The following EIF2D variants were observed in gnomAD, a reference collection of about 807,000 sequenced individuals.
The protein encoded by EIF2D is eukaryotic translation initiation factor 2D, also known as hepatocellular carcinoma-associated antigen 56.
A neutral mutation model predicts 77.4 loss-of-function variants in EIF2D; 56 were observed. That is an observed-to-expected ratio of 0.72 (90% CI 0.58 to 0.90). EIF2D has a LOEUF of 0.90. Ranked by LOEUF, EIF2D falls within the 40% of genes least tolerant of loss-of-function variation. The pLI, the probability that EIF2D is intolerant of heterozygous loss-of-function variation, is 0.00. For missense variants in EIF2D, 574 were observed against 706.5 expected, an observed-to-expected ratio of 0.81 and a Z score of 2.13; for synonymous variants, 230 against 271.0, an observed-to-expected ratio of 0.85 and a Z score of 1.49.
rs200269600 is a variant in EIF2D at position 206,584,482 on chromosome 1, T to C, written c.139-3320A>G. On this transcript the variant is annotated intron_variant and NMD_transcript_variant, in intron 2 of 5. Transcript: ENST00000472709. This position sits in a 1 kb window ranked among gnomAD's most constrained non-coding sequence, Gnocchi z 4.9. ...CTGGGATCCGGCCCCAGTCCATCTA[T>C]GATGCCATCAAGGAGGTGAACCTGG... The C allele has an allele frequency of 3.3e-5, 53 of 1,614,142 alleles. No individual in the cohort carries two copies. The highest frequency in any genetic ancestry group is 1.6e-4 in the Middle Eastern group (1 of 6,062).
chr1:206,600,446 C>CA (rs1279289737), intron 7 of EIF2D, 138 bp from the exon 8 acceptor site: 5 of 712,750 alleles, frequency 7.0e-6, no homozygotes, highest in African/African-American at 5.4e-5. Context: ...ACTCTCTGCC[C>CA]AGGGATGACA....
chr1:206,600,441 C>A (rs540720117), intron 7 of EIF2D, 133 bp from the exon 8 acceptor site: 1 of 760,992 alleles, frequency 1.3e-6, no homozygotes, highest in African/African-American at 1.8e-5. Flanking sequence ...CCAGAACTCT[C>A]TGCCCAGGGA....
chr1:206,583,660 G>T, intron 2 of EIF2D: 1 of 401,464 alleles, frequency 2.5e-6, no homozygotes, highest in Non-Finnish European at 4.7e-6. Context: ...TGATTAAACG[G>T]TACGTAATGA....
At chr1:206,608,175 C>A (rs1670288563) in intron 4 of EIF2D, 61 bp downstream of exon 4, 5 of 1,486,014 alleles carry the variant, frequency 3.4e-6, no homozygotes, top group Non-Finnish European at 4.6e-6. Context: ...GTTGTCATTC[C>A]CCTCCAACTT....
intron 3 of EIF2D, among the ~76,000 whole-genome samples, chr1:206,608,541 G>A (rs1670309705): frequency 1.3e-5 from 2 of 152,208 alleles, no homozygotes; most frequent in Admixed American, 6.5e-5. Context: ...GGCAACTTCA[G>A]TATCAGACCT....
In EIF2D at chr1:206,584,340, T is replaced by C; in HGVS notation, c.139-3178A>G. On this transcript the variant is annotated intron_variant and NMD_transcript_variant, in intron 2 of 5. Coordinates refer to the EIF2D transcript ENST00000472709. The surrounding 1 kb of genome is among the most constrained non-coding windows in gnomAD (Gnocchi z 4.9). Reference sequence around the variant, plus strand: ...TGGCCCCGAGTGGCAGATATGATCATGCAAGGCGGACGGCCCTGACCCCCT... The same window carrying C: ...TGGCCCCGAGTGGCAGATATGATCACGCAAGGCGGACGGCCCTGACCCCCT... The C allele has an allele frequency of 6.4e-7, 1 of 1,560,300 alleles. No individual in the cohort carries two copies. The highest frequency in any genetic ancestry group is 1.2e-5 in the South Asian group (1 of 81,994).
At chr1:206,593,199 C>T (rs763969735) in intron 14 of EIF2D, among the ~76,000 whole-genome samples, 5 of 152,086 alleles carry the variant, frequency 3.3e-5, no homozygotes, top group Non-Finnish European at 7.4e-5. Context: ...GGGCAAGGTA[C>T]GGAACCTCTC....
intron 2 of EIF2D, among the ~76,000 whole-genome samples, chr1:206,610,811 A>C (rs1670442854): frequency 6.6e-6 from 1 of 152,020 alleles, no homozygotes. Flanking sequence ...ACAGAGCAAG[A>C]CTCTGTCTCA....
intron 13 of EIF2D, 33 bp downstream of exon 13, chr1:206,595,685 C>T: frequency 6.2e-7 from 1 of 1,603,774 alleles, no homozygotes; most frequent in Non-Finnish European, 8.5e-7. Context: ...CATTAAATCA[C>T]TATCCTTGAA....
rs1240408777 is a variant in EIF2D, at chr1:206,592,319, G to A, written c.1685-474C>T. Among the ~76,000 whole-genome samples, 1 of 152,226 alleles carries A rather than the reference G, an allele frequency of 6.6e-6. No individual in the cohort carries two copies. Among genetic ancestry groups the A allele is most frequent in the Non-Finnish European group, 1.5e-5 (1 of 68,048 alleles). On this transcript the variant is annotated intron_variant, in intron 14 of 14. Coordinates refer to ENST00000271764, the MANE Select transcript of EIF2D (RefSeq NM_006893.3). The surrounding 1 kb of genome is among the most constrained non-coding windows in gnomAD (Gnocchi z 4.7). ...GAGGTTCAGACATTAGAAAAAATTA[G>A]CCAAGCTGCAGACATTAACCGGAAA... is the stretch of plus-strand genomic sequence containing the variant.
chr1:206,591,811 A>C lies in EIF2D; in HGVS notation c.1719T>G (p.Gly573=), dbSNP rs1553408999. 6.2e-7 allele frequency: 1 copy of C among 1,614,144 alleles called. No homozygotes were observed. The highest frequency in any genetic ancestry group is 8.5e-7 in the Non-Finnish European group (1 of 1,180,012). The change falls in exon 15 of 15, where the codon GGT becomes GGG. Residue 573 remains glycine, a synonymous_variant. Transcript: ENST00000271764. ...TGCCAGGTTTGAGGGCCTTTTCTAGACCTTGGATGTGTTTTCGAGGGAGCT... is the reference window on the plus strand; with the variant it reads ...TGCCAGGTTTGAGGGCCTTTTCTAGCCCTTGGATGTGTTTTCGAGGGAGCT... ...EYQLPRKHIQ[G]LEKALKPGKK...
At chr1:206,575,190 C>T (rs1292700038) in intron 4 of EIF2D, among the ~76,000 whole-genome samples, 1 of 152,120 alleles carries the variant, frequency 6.6e-6, no homozygotes, top group African/African-American at 2.4e-5. Flanking sequence ...ACGTTCCCAT[C>T]TAGGGCAAGC....
intron 4 of EIF2D, among the ~76,000 whole-genome samples, chr1:206,575,399 G>C (rs978688700): frequency 6.6e-6 from 1 of 152,174 alleles, no homozygotes; most frequent in African/African-American, 2.4e-5. Flanking sequence ...AATGGCTTCC[G>C]GGGTATTTTT....
intron 14 of EIF2D, 111 bp downstream of exon 14, chr1:206,593,508 A>AGGGTGTGTGTGC: frequency 2.5e-6 from 1 of 398,388 alleles, no homozygotes; most frequent in South Asian, 4.6e-5. Flanking sequence ...AGAGAGAGAG[A>AGGGTGTGTGTGC]GTGTGTGTGT....
At chr1:206,572,931 G>T (rs548905902) in intron 4 of EIF2D, among the ~76,000 whole-genome samples, 1 of 152,206 alleles carries the variant, frequency 6.6e-6, no homozygotes, top group South Asian at 2.1e-4. Context: ...CCCATATTGG[G>T]TCCCCACTGA....
chr1:206,584,044 A>C lies in EIF2D; in HGVS notation c.139-2882T>G, dbSNP rs1316215863. On this transcript the variant is annotated intron_variant and NMD_transcript_variant, in intron 2 of 5. Transcript: ENST00000472709. This position sits in a 1 kb window ranked among gnomAD's most constrained non-coding sequence, Gnocchi z 4.9. ...AGCCTTCCTGCTTCCTGCCTGGTTC[A>C]GAGGTACAAACTAGAGTGGCTACCC... is the stretch of plus-strand genomic sequence containing the variant. 1.3e-5 allele frequency among the ~76,000 whole-genome samples: 2 copies of C among 152,146 alleles called. No individual in the cohort carries two copies. The highest frequency in any genetic ancestry group is 4.8e-5 in the African/African-American group (2 of 41,426).
chr1:206,595,816 C>G lies in EIF2D; in HGVS notation c.1411G>C (p.Ala471Pro). 1.2e-6 allele frequency: 2 copies of G among 1,614,092 alleles called. No individual in the cohort carries two copies. The highest frequency in any genetic ancestry group is 1.7e-6 in the Non-Finnish European group (2 of 1,179,990). Residue 471 changes from alanine (A) to proline (P), a missense_variant, in exon 13 of 15, where the codon GCC (alanine) becomes CCC (proline). Coordinates refer to ENST00000271764, the MANE Select transcript of EIF2D (RefSeq NM_006893.3). ...LTRCLEKLQP[A>P]YQVTLPGQEP... ...TGTCCGGGAAGGGTCACTTGATAGG[C>G]AGGCTGTAATTTTTCCAAACACCTG... is the stretch of plus-strand genomic sequence containing the variant.
At chr1:206,581,715 G>C (rs1277879038) in intron 2 of EIF2D, among the ~76,000 whole-genome samples, 1 of 152,178 alleles carries the variant, frequency 6.6e-6, no homozygotes, top group Admixed American at 6.5e-5. Context: ...AGGGGTTGGA[G>C]GTGGGAGGCT....
chr1:206,583,438 G>A (rs1370006205), intron 2 of EIF2D: 46 of 1,162,610 alleles, frequency 4.0e-5, no homozygotes, highest in Non-Finnish European at 4.7e-5. Context: ...CGGGTTTGGC[G>A]CCTCTGCCCT....
Sources: allele counts gnomAD v4.1 joint callset (sites outside exome capture counted in the v4.1 genomes callset), GRCh38; gene constraint gnomAD v4.1.1; non-coding constraint Gnocchi (gnomAD v3.1); transcripts MANE v1.5; gene names NCBI Gene and HGNC (gene_info 2026-07-23, HGNC 2026-07-21).